Variants in BRAF observed in about 807,000 individuals in gnomAD.
The protein encoded by BRAF is serine/threonine-protein kinase B-raf.
Under a neutral mutation model 104.6 loss-of-function variants are expected in BRAF, and 16 were observed. That is an observed-to-expected ratio of 0.15 (90% confidence interval 0.10 to 0.23). The LOEUF is 0.23. BRAF is among the 10% of genes least tolerant of loss of function. BRAF has a pLI of 1.00. For missense variants in BRAF, 541 were observed against 937.3 expected, an observed-to-expected ratio of 0.58 and a Z score of 5.52; for synonymous variants, 310 against 341.6, an observed-to-expected ratio of 0.91 and a Z score of 1.02.
intron 8 of BRAF, 35 bp downstream of exon 8, chr7:140,794,273 G>T (rs1050976890): frequency 1.1e-5 from 17 of 1,592,662 alleles, no homozygotes; most frequent in Admixed American, 5.0e-5. Flanking sequence ...TACATACTTG[G>T]TTTTTTTTTA....
chr7:140,804,406 T>TTTG (rs1554403975), intron 5 of BRAF, among the ~76,000 whole-genome samples: 1 of 147,346 alleles, frequency 6.8e-6, no homozygotes, highest in African/African-American at 2.6e-5. Context: ...GTTTTTTTTT[T>TTTG]GGGGGGGGTG....
At chr7:140,873,591 T>C (rs1035541567) in intron 1 of BRAF, among the ~76,000 whole-genome samples, 3 of 152,190 alleles carry the variant, frequency 2.0e-5, no homozygotes, top group Admixed American at 2.0e-4. Flanking sequence ...GACAATTGAT[T>C]TGGAGTGCTG....
rs534760113 is a variant in BRAF at position 140,867,030 on chromosome 7, C to CA, written c.139-16819dup. On this transcript the variant is annotated intron_variant, in intron 1 of 19. Transcript: ENST00000644969. ...ACTTCTCCATAATATAAGATTGCTC[C>CA]AGCTTTCAATTCCATTTTCCCTGTG... Among the ~76,000 whole-genome samples, 485 of 152,154 alleles carry CA rather than the reference C, an allele frequency of 3.2e-3. 4 individuals carry two copies. The highest frequency in any genetic ancestry group is 0.011 in the African/African-American group (473 of 41,508).
At chr7:140,853,885 G>C (rs1051136712) in intron 1 of BRAF, among the ~76,000 whole-genome samples, 2 of 152,082 alleles carry the variant, frequency 1.3e-5, no homozygotes, top group African/African-American at 4.8e-5. Context: ...GGAGGGCATA[G>C]GTTTTTGTCT....
rs1795421920 is a variant in BRAF, at chr7:140,723,423, T to C, written c.*3071A>G. 1 of 1,055,144 alleles carries C rather than the reference T, an allele frequency of 9.5e-7. No individual in the cohort carries two copies. Among genetic ancestry groups the C allele is most frequent in the Non-Finnish European group, 1.1e-6 (1 of 873,024 alleles). The allele number at this position is 1,055,144 out of a possible 1,614,324, so 65.4% of individuals were successfully genotyped here. ...TTTTATCTTCTAAAATGCCCCAGTA[T>C]GCCCTACTAGATCTCAAATACAATC... is the stretch of plus-strand genomic sequence containing the variant. On this transcript the variant is annotated 3_prime_UTR_variant, in exon 20 of 20. Coordinates refer to ENST00000644969, the MANE Select transcript of BRAF (RefSeq NM_001374258.1).
At chr7:140,765,401 T>G (rs1478544824) in intron 14 of BRAF, among the ~76,000 whole-genome samples, 2 of 152,104 alleles carry the variant, frequency 1.3e-5, no homozygotes, top group East Asian at 3.8e-4. Context: ...AAGGACTTCA[T>G]GTCTAAAACA....
At chr7:140,819,511 T>C (rs1212026263) in intron 3 of BRAF, among the ~76,000 whole-genome samples, 2 of 152,144 alleles carry the variant, frequency 1.3e-5, no homozygotes, top group Non-Finnish European at 2.9e-5. Flanking sequence ...AAATCATATG[T>C]CCACACAAAA....
chr7:140,793,501 A>G (rs539061620), intron 8 of BRAF, among the ~76,000 whole-genome samples: 1 of 152,104 alleles, frequency 6.6e-6, no homozygotes, highest in East Asian at 1.9e-4. Context: ...ATTAAAATTT[A>G]TAAGTTTTTC....
chr7:140,800,047 T>C, intron 7 of BRAF: 1 of 419,592 alleles, frequency 2.4e-6, no homozygotes, highest in Non-Finnish European at 4.4e-6. Flanking sequence ...TTTAAGCATT[T>C]AAATGTTGGA....
intron 3 of BRAF, among the ~76,000 whole-genome samples, chr7:140,830,756 T>C (rs1806639667): frequency 6.6e-6 from 1 of 152,132 alleles, no homozygotes; most frequent in Admixed American, 6.5e-5. Flanking sequence ...GCTTCCAGGG[T>C]GCTGAACATT....
Position 140,861,356 on chromosome 7 carries a change from T to C in BRAF, c.139-11144A>G, listed in dbSNP as rs559939104. Among the ~76,000 whole-genome samples the C allele has an allele frequency of 7.2e-5, 11 of 152,326 alleles. 1 individual carries two copies. The highest frequency in any genetic ancestry group is 2.6e-4 in the African/African-American group (11 of 41,572). ...TTAGGTACAAAAGGCCAAATGGTAT[T>C]TTCTGGTAGCTGTTAATTCAGGTGG... On this transcript the variant is annotated intron_variant, in intron 1 of 19. Transcript: ENST00000644969.
chr7:140,721,426 A>T lies in BRAF; in HGVS notation c.*5068T>A. ...CCACAATTAACAAAAATTAGAATTGAATTTCAATTTAAATGTCTTTGCCCA... is the reference window on the plus strand; with the variant it reads ...CCACAATTAACAAAAATTAGAATTGTATTTCAATTTAAATGTCTTTGCCCA... On this transcript the variant is annotated 3_prime_UTR_variant, in exon 20 of 20. Coordinates refer to ENST00000644969, the MANE Select transcript of BRAF (RefSeq NM_001374258.1). 8.0e-7 allele frequency: 1 copy of T among 1,252,522 alleles called. No individual in the cohort carries two copies. The highest frequency in any genetic ancestry group is 1.0e-6 in the Non-Finnish European group (1 of 999,680). 77.6% of individuals were successfully genotyped at this position (1,252,522 alleles called of 1,614,324 possible). A position where few individuals can be genotyped will look rare whatever the true frequency, so the allele number is the denominator to read the frequency against.
chr7:140,751,542 T>G (rs938068606), intron 16 of BRAF, among the ~76,000 whole-genome samples: 3 of 152,148 alleles, frequency 2.0e-5, no homozygotes, highest in African/African-American at 7.2e-5. Flanking sequence ...CTAACTCCAG[T>G]CACCGAATCT....
At chr7:140,814,076 G>A (rs1804568562) in intron 3 of BRAF, among the ~76,000 whole-genome samples, 1 of 152,022 alleles carries the variant, frequency 6.6e-6, no homozygotes, top group Non-Finnish European at 1.5e-5. Flanking sequence ...ACTAAAAAGA[G>A]GTATTTTTGT....
chr7:140,834,350 G>C lies in BRAF; in HGVS notation c.504+259C>G, dbSNP rs182475095. 1.5e-5 allele frequency: 9 copies of C among 585,232 alleles called. No individual in the cohort carries two copies. The Admixed American group carries it at 2.4e-4, about 16-fold the overall frequency. 36.3% of individuals were successfully genotyped at this position (585,232 alleles called of 1,614,324 possible). ...TAAAATCCTGATTTATTTTAAACTA[G>C]TGCTTAGACATGACTGTGGTTCAAG... is the stretch of plus-strand genomic sequence containing the variant. On this transcript the variant is annotated intron_variant, in intron 3 of 19. Coordinates refer to ENST00000644969, the MANE Select transcript of BRAF (RefSeq NM_001374258.1).
At chr7:140,861,586 T>C (rs950680011) in intron 1 of BRAF, among the ~76,000 whole-genome samples, 3 of 129,452 alleles carry the variant, frequency 2.3e-5, no homozygotes, top group Non-Finnish European at 3.4e-5. Flanking sequence ...ACGTTCTAGA[T>C]TGTTTGTGGA....
intron 19 of BRAF, among the ~76,000 whole-genome samples, chr7:140,728,050 A>C (rs1170709723): frequency 6.6e-6 from 1 of 152,208 alleles, no homozygotes; most frequent in Non-Finnish European, 1.5e-5. Context: ...TGGTTGCTAG[A>C]TAACACTGGC....
At chr7:140,845,978 C>G (rs1290831004) in intron 2 of BRAF, among the ~76,000 whole-genome samples, 1 of 152,082 alleles carries the variant, frequency 6.6e-6, no homozygotes, top group African/African-American at 2.4e-5. Flanking sequence ...CGCGCTCAGC[C>G]TAGGCTATGG....
chr7:140,816,048 C>G (rs925912597), intron 3 of BRAF, among the ~76,000 whole-genome samples: 2 of 152,180 alleles, frequency 1.3e-5, no homozygotes, highest in Non-Finnish European at 2.9e-5. Context: ...GAAGCACTTT[C>G]ACTGTTGGCA....
Sources: gnomAD v4.1 joint callset for allele counts (sites outside exome capture counted in the v4.1 genomes callset) on GRCh38, gnomAD v4.1.1 for gene constraint, MANE v1.5 for transcripts, NCBI Gene and HGNC (gene_info 2026-07-23, HGNC 2026-07-21) for gene names.